SDK1: variants seen among roughly 807,000 people sequenced by gnomAD.
SDK1 encodes the protein sidekick cell adhesion molecule 1.
SDK1 carries 157 observed loss-of-function variants against 245.5 expected under a neutral mutation model. The ratio of observed to expected loss-of-function variants is 0.64; its 90% CI spans 0.56 to 0.73. The LOEUF (loss-of-function observed/expected upper bound fraction) is 0.73. Ranked by LOEUF, SDK1 falls within the 30% of genes least tolerant of loss-of-function variation. SDK1 has a pLI of 0.00. For synonymous variants in SDK1, 1,647 were observed against 1,278.5 expected (o/e 1.29, Z -6.15); for missense variants, 3,583 against 3,002.3 (o/e 1.19, Z -4.52).
At chr7:3,347,273 A>G (rs558202794) in intron 1 of SDK1, among the ~76,000 whole-genome samples, 1 of 150,000 alleles carries the variant, frequency 6.7e-6, no homozygotes, top group African/African-American at 2.4e-5. Context: ...AACACTTGGC[A>G]CATATCTTCT....
chr7:3,973,226 A>G (rs550111568), intron 12 of SDK1, among the ~76,000 whole-genome samples: 1 of 152,028 alleles, frequency 6.6e-6, no homozygotes, highest in African/African-American at 2.4e-5. Context: ...CAGTCTATCC[A>G]TCTCCCTCTT....
At chr7:3,353,084 T>A (rs574432322) in intron 1 of SDK1, among the ~76,000 whole-genome samples, 1 of 152,190 alleles carries the variant, frequency 6.6e-6, no homozygotes. Flanking sequence ...TATCCCAATT[T>A]AGCTTTTTTT....
At chr7:3,726,329 T>A (rs914056627) in intron 4 of SDK1, among the ~76,000 whole-genome samples, 1 of 152,210 alleles carries the variant, frequency 6.6e-6, no homozygotes, top group African/African-American at 2.4e-5. Context: ...ACGAAGTTAG[T>A]GCTTTTGGAT....
chr7:3,967,521 TTTA>T, intron 10 of SDK1, 87 bp downstream of exon 10: 1 of 820,502 alleles, frequency 1.2e-6, no homozygotes, highest in Non-Finnish European at 2.1e-6. Flanking sequence ...CACTCTCTTG[TTTA>T]TTCACTTATG....
At chr7:3,929,454 A>G (rs897827541) in intron 5 of SDK1, among the ~76,000 whole-genome samples, 2 of 152,330 alleles carry the variant, frequency 1.3e-5, no homozygotes, top group East Asian at 1.9e-4. Flanking sequence ...TCAGAAAAGC[A>G]TTCCGTATTT....
intron 40 of SDK1, among the ~76,000 whole-genome samples, chr7:4,224,513 C>G (rs2128233159): frequency 6.6e-6 from 1 of 152,292 alleles, no homozygotes; most frequent in African/African-American, 2.4e-5. Flanking sequence ...TGCTGTGATC[C>G]AAACACCTCC....
chr7:3,373,883 C>A (rs1268480024), intron 1 of SDK1, among the ~76,000 whole-genome samples: 2 of 151,962 alleles, frequency 1.3e-5, no homozygotes, highest in African/African-American at 4.8e-5. Context: ...ATCACAAGCC[C>A]AAAAACTTGA....
At chr7:3,518,396 C>T (rs186473377) in intron 1 of SDK1, among the ~76,000 whole-genome samples, 1 of 151,694 alleles carries the variant, frequency 6.6e-6, no homozygotes, top group East Asian at 1.9e-4. Flanking sequence ...AATGAAAAGA[C>T]AACCTACAGA....
intron 17 of SDK1, among the ~76,000 whole-genome samples, chr7:4,034,459 A>C (rs1442063695): frequency 6.6e-6 from 1 of 152,202 alleles, no homozygotes; most frequent in African/African-American, 2.4e-5. Context: ...TCATGTTAGC[A>C]GCTCACTCTC....
At chr7:4,099,686 G>T (rs748991437) in intron 22 of SDK1, among the ~76,000 whole-genome samples, 13 of 143,992 alleles carry the variant, frequency 9.0e-5, no homozygotes, top group Admixed American at 7.0e-4. Flanking sequence ...AGGCCCAGGT[G>T]TGCCAGGTCC....
At chr7:3,924,362 T>C (rs986117230) in intron 5 of SDK1, among the ~76,000 whole-genome samples, 3 of 152,116 alleles carry the variant, frequency 2.0e-5, no homozygotes, top group African/African-American at 7.2e-5. Context: ...AGACATCAAA[T>C]TGTGTTTGAC....
At chr7:4,223,525 G>T (rs1268964307) in intron 40 of SDK1, among the ~76,000 whole-genome samples, 1 of 152,188 alleles carries the variant, frequency 6.6e-6, no homozygotes, top group Non-Finnish European at 1.5e-5. Context: ...GTGATCTGGG[G>T]CTGACAGGTG....
chr7:3,796,070 C>G (rs974779168), intron 4 of SDK1, among the ~76,000 whole-genome samples: 3 of 152,188 alleles, frequency 2.0e-5, no homozygotes, highest in Non-Finnish European at 2.9e-5. Context: ...TAGTCTTTCT[C>G]TTTCTTTGGC....
At chr7:3,435,885 T>A (rs538544058) in intron 1 of SDK1, among the ~76,000 whole-genome samples, 2 of 152,322 alleles carry the variant, frequency 1.3e-5, no homozygotes, top group South Asian at 4.1e-4. Context: ...CAGTGATCAT[T>A]TGTTAACAAG....
intron 34 of SDK1, among the ~76,000 whole-genome samples, chr7:4,176,498 T>C (rs537029262): frequency 2.0e-5 from 3 of 152,336 alleles, no homozygotes; most frequent in African/African-American, 4.8e-5. Context: ...AAAATACATA[T>C]AACAGAAAAT....
intron 1 of SDK1, among the ~76,000 whole-genome samples, chr7:3,582,316 CTG>C (rs1780527630): frequency 1.3e-5 from 2 of 149,448 alleles, no homozygotes; most frequent in African/African-American, 5.0e-5. Context: ...TCAGGTAGGT[CTG>C]TCTCAGGTAG....
At chr7:3,946,738 G>A (rs371470351) in intron 5 of SDK1, among the ~76,000 whole-genome samples, 4 of 152,190 alleles carry the variant, frequency 2.6e-5, no homozygotes, top group Non-Finnish European at 4.4e-5. Context: ...TCCAGGGAAC[G>A]GCAGGTGTTA....
At chr7:4,090,823 A>G (rs1022308628) in intron 22 of SDK1, among the ~76,000 whole-genome samples, 2 of 152,212 alleles carry the variant, frequency 1.3e-5, no homozygotes, top group Admixed American at 6.5e-5. Context: ...ATATCTAGCC[A>G]CACATACTGA....
chr7:3,822,960 G>C (rs372948513), intron 5 of SDK1, among the ~76,000 whole-genome samples: 2 of 152,012 alleles, frequency 1.3e-5, no homozygotes, highest in South Asian at 2.1e-4. Context: ...TTGGTCCCAA[G>C]TGGCCGTGAT....
Sources: allele counts gnomAD v4.1 joint callset (sites outside exome capture counted in the v4.1 genomes callset), GRCh38; gene constraint gnomAD v4.1.1; transcripts MANE v1.5; gene names NCBI Gene and HGNC (gene_info 2026-07-23, HGNC 2026-07-21).